GRIK3: variants seen among roughly 807,000 people sequenced by gnomAD.
The protein encoded by GRIK3 is glutamate receptor ionotropic, kainate 3.
Under a neutral mutation model 102.5 loss-of-function variants are expected in GRIK3, and 29 were observed. The ratio of observed to expected loss-of-function variants is 0.28; its 90% CI spans 0.21 to 0.39. The LOEUF is 0.39. Ranked by LOEUF, GRIK3 falls within the 10% of genes least tolerant of loss-of-function variation. GRIK3 has a pLI of 1.00. For synonymous variants in GRIK3, 511 were observed against 504.9 expected (o/e 1.01, Z -0.16); for missense variants, 908 against 1,252.4 (o/e 0.73, Z 4.15).
chr1:36,929,392 A>G (rs1054528819), intron 1 of GRIK3, among the ~76,000 whole-genome samples: 6 of 152,154 alleles, frequency 3.9e-5, no homozygotes, highest in African/African-American at 1.4e-4. Flanking sequence ...TATATTTTCA[A>G]CCCCAATAGA....
intron 10 of GRIK3, among the ~76,000 whole-genome samples, chr1:36,833,579 T>C (rs1321382388): frequency 6.6e-6 from 1 of 152,138 alleles, no homozygotes; most frequent in Non-Finnish European, 1.5e-5. Context: ...GGCAATGGGA[T>C]TGGGCGGAAC....
At chr1:36,964,713 T>A (rs1642061382) in intron 1 of GRIK3, among the ~76,000 whole-genome samples, 2 of 152,192 alleles carry the variant, frequency 1.3e-5, no homozygotes, top group Non-Finnish European at 2.9e-5. Context: ...ATTCATGTCC[T>A]TTCCACTACC....
At chr1:36,912,422 C>G (rs954400452) in intron 1 of GRIK3, among the ~76,000 whole-genome samples, 4 of 151,750 alleles carry the variant, frequency 2.6e-5, no homozygotes, top group Non-Finnish European at 5.9e-5. Context: ...CAGAACAGAA[C>G]CCCCCTCCTC....
chr1:36,859,558 C>A (rs1640696923), intron 6 of GRIK3, among the ~76,000 whole-genome samples: 1 of 151,242 alleles, frequency 6.6e-6, no homozygotes, highest in African/African-American at 2.4e-5. Flanking sequence ...GCCTTCACAC[C>A]TGTGTGTCAC....
At chr1:36,837,280 C>G (rs1020243677) in intron 10 of GRIK3, among the ~76,000 whole-genome samples, 1 of 152,220 alleles carries the variant, frequency 6.6e-6, no homozygotes. Context: ...CCAATCCCAA[C>G]ACATCCCAAA....
intron 3 of GRIK3, among the ~76,000 whole-genome samples, chr1:36,879,907 GT>G (rs1640947597): frequency 6.6e-6 from 1 of 152,192 alleles, no homozygotes; most frequent in Non-Finnish European, 1.5e-5. Flanking sequence ...ACTGGCTGGG[GT>G]CAGCGGTCAA....
intron 1 of GRIK3, among the ~76,000 whole-genome samples, chr1:36,924,092 G>A (rs1026349276): frequency 6.6e-6 from 1 of 152,168 alleles, no homozygotes; most frequent in African/African-American, 2.4e-5. Context: ...ACAGCGGTGG[G>A]GCTAAGGGGC....
chr1:36,975,170 C>G (rs150651434), intron 1 of GRIK3, among the ~76,000 whole-genome samples: 2 of 151,820 alleles, frequency 1.3e-5, no homozygotes, highest in Non-Finnish European at 2.9e-5. Flanking sequence ...ATATAGGTAT[C>G]ACAATAAAAC....
intron 1 of GRIK3, among the ~76,000 whole-genome samples, chr1:37,022,645 G>A (rs1011917205): frequency 2.6e-5 from 4 of 152,226 alleles, no homozygotes; most frequent in Non-Finnish European, 5.9e-5. Context: ...TCTTGACTTC[G>A]TGGAAGAATC....
chr1:37,015,294 A>T (rs1557464120), intron 1 of GRIK3, among the ~76,000 whole-genome samples: 1 of 152,212 alleles, frequency 6.6e-6, no homozygotes. Flanking sequence ...AAACCCCAGC[A>T]GGTGGGAAAG....
chr1:36,922,622 G>A (rs1004368978), intron 1 of GRIK3, among the ~76,000 whole-genome samples: 2 of 152,222 alleles, frequency 1.3e-5, no homozygotes, highest in African/African-American at 4.8e-5. Flanking sequence ...GGGGCCATGC[G>A]CTTATTTATC....
intron 1 of GRIK3, among the ~76,000 whole-genome samples, chr1:36,968,232 TG>T (rs1642101231): frequency 8.2e-6 from 1 of 122,078 alleles, no homozygotes; most frequent in East Asian, 2.1e-4. Flanking sequence ...TGTGTGTGTG[TG>T]TGTGTGTGTG....
At chr1:36,848,882 C>T (rs1453952070) in intron 9 of GRIK3, among the ~76,000 whole-genome samples, 3 of 151,578 alleles carry the variant, frequency 2.0e-5, no homozygotes, top group Non-Finnish European at 4.4e-5. Flanking sequence ...AAAAGTTGAT[C>T]AATAAAGGCC....
At chr1:36,848,413 C>A (rs1450708871) in intron 9 of GRIK3, among the ~76,000 whole-genome samples, 1 of 152,150 alleles carries the variant, frequency 6.6e-6, no homozygotes, top group Non-Finnish European at 1.5e-5. Context: ...ACATTTTATG[C>A]AGCTCTGCTT....
chr1:36,865,254 A>G (rs1360141691), intron 5 of GRIK3, among the ~76,000 whole-genome samples: 1 of 152,228 alleles, frequency 6.6e-6, no homozygotes, highest in African/African-American at 2.4e-5. Flanking sequence ...ATGCGAGGTT[A>G]TCTGGGAATG....
At chr1:36,936,781 G>A (rs1188792329) in intron 1 of GRIK3, among the ~76,000 whole-genome samples, 2 of 151,188 alleles carry the variant, frequency 1.3e-5, no homozygotes, top group African/African-American at 4.9e-5. Flanking sequence ...AAGTGAATGT[G>A]CGAACAAATG....
intron 1 of GRIK3, among the ~76,000 whole-genome samples, chr1:36,891,718 G>A (rs1308082893): frequency 6.6e-6 from 1 of 152,178 alleles, no homozygotes; most frequent in Non-Finnish European, 1.5e-5. Context: ...TTTGCATCAC[G>A]CCATTAACCA....
At chr1:36,831,573 T>C (rs994569792) in intron 10 of GRIK3, among the ~76,000 whole-genome samples, 2 of 152,140 alleles carry the variant, frequency 1.3e-5, no homozygotes, top group South Asian at 2.1e-4. Flanking sequence ...CCTAATACCC[T>C]TAGGATAAAA....
At chr1:37,033,798 C>A (rs1642856754) in intron 1 of GRIK3, among the ~76,000 whole-genome samples, 196 bp downstream of exon 1, 1 of 152,228 alleles carries the variant, frequency 6.6e-6, no homozygotes, top group East Asian at 1.9e-4. Flanking sequence ...GGCCCGGCGG[C>A]CTCCTCCCCA....
Sources: allele counts gnomAD v4.1 joint callset (sites outside exome capture counted in the v4.1 genomes callset), GRCh38; gene constraint gnomAD v4.1.1; transcripts MANE v1.5; gene names NCBI Gene and HGNC (gene_info 2026-07-23, HGNC 2026-07-21).